CLNK: variants seen among roughly 807,000 people sequenced by gnomAD.
CLNK encodes cytokine-dependent hematopoietic cell linker.
In CLNK, 74 loss-of-function variants were observed where a neutral mutation model predicts 68.6. The ratio of observed to expected loss-of-function variants is 1.08; its 90% CI spans 0.89 to 1.31. The LOEUF (loss-of-function observed/expected upper bound fraction) is 1.31. Ranked by LOEUF, CLNK falls within the 50% of genes most tolerant of loss-of-function variation. The pLI, the probability that CLNK is intolerant of heterozygous loss-of-function variation, is 0.00. For missense variants in CLNK, 553 were observed against 515.3 expected (o/e 1.07, Z -0.71); for synonymous variants, 198 against 172.2 (o/e 1.15, Z -1.17).
intron 1 of CLNK, among the ~76,000 whole-genome samples, chr4:10,670,949 A>G (rs1724605068): frequency 6.6e-6 from 1 of 152,250 alleles, no homozygotes; most frequent in Non-Finnish European, 1.5e-5. Context: ...TTTGATTGGT[A>G]ATATCAGTGC....
At chr4:10,501,997 A>G (rs1003294761) in intron 17 of CLNK, among the ~76,000 whole-genome samples, 1 of 152,208 alleles carries the variant, frequency 6.6e-6, no homozygotes, top group African/African-American at 2.4e-5. Flanking sequence ...GTGCTCATGA[A>G]CTTAGCATGA....
At chr4:10,587,968 G>A (rs1357075328) in intron 3 of CLNK, among the ~76,000 whole-genome samples, 1 of 152,166 alleles carries the variant, frequency 6.6e-6, no homozygotes, top group Non-Finnish European at 1.5e-5. Flanking sequence ...AGCTGGTGAG[G>A]AGCAAATCAT....
chr4:10,708,863 A>G, the CLNK span, among the ~76,000 whole-genome samples: 5 of 152,346 alleles, frequency 3.3e-5, no homozygotes, highest in South Asian at 8.3e-4. Flanking sequence ...ATGTAAAGGG[A>G]AAAAGATCAG....
intron 1 of CLNK, among the ~76,000 whole-genome samples, chr4:10,677,434 A>G (rs943468180): frequency 7.9e-5 from 12 of 152,294 alleles, no homozygotes; most frequent in African/African-American, 2.4e-4. Flanking sequence ...AGGTAGTCTA[A>G]ACAAGACTGG....
chr4:10,648,982 TG>T (rs1164419065), intron 2 of CLNK, among the ~76,000 whole-genome samples: 1 of 152,130 alleles, frequency 6.6e-6, no homozygotes, highest in Non-Finnish European at 1.5e-5. Context: ...TTAAATCTAT[TG>T]AGATAATGTA....
At chr4:10,511,430 T>C (rs1231649620) in intron 16 of CLNK, among the ~76,000 whole-genome samples, 2 of 152,252 alleles carry the variant, frequency 1.3e-5, no homozygotes, top group African/African-American at 4.8e-5. Flanking sequence ...TACATTCACA[T>C]TGCTTTACAG....
intron 8 of CLNK, among the ~76,000 whole-genome samples, chr4:10,543,599 C>G (rs1719119399): frequency 6.6e-6 from 1 of 152,174 alleles, no homozygotes; most frequent in African/African-American, 2.4e-5. Flanking sequence ...AGCCCGCTCT[C>G]CACTGCACCG....
intron 10 of CLNK, among the ~76,000 whole-genome samples, chr4:10,541,075 A>G (rs1232812227): frequency 6.6e-6 from 1 of 152,058 alleles, no homozygotes; most frequent in East Asian, 1.9e-4. Context: ...TTAGCCAGTC[A>G]TGGTGGCATG....
At chr4:10,731,338 C>T in the CLNK span, among the ~76,000 whole-genome samples, 1 of 152,232 alleles carries the variant, frequency 6.6e-6, no homozygotes, top group Non-Finnish European at 1.5e-5. Flanking sequence ...AATGCAACCA[C>T]AGGGGATTTC....
At chr4:10,542,301 G>A (rs1353072680) in intron 8 of CLNK, 21 bp from the exon 9 acceptor site, 3 of 1,505,778 alleles carry the variant, frequency 2.0e-6, no homozygotes, top group Middle Eastern at 1.7e-4. Context: ...AGAGGGAATA[G>A]CAGTGAATTT....
At chr4:10,553,855 G>A (rs1045882492) in intron 8 of CLNK, among the ~76,000 whole-genome samples, 1 of 152,164 alleles carries the variant, frequency 6.6e-6, no homozygotes, top group Non-Finnish European at 1.5e-5. Flanking sequence ...TTACAGCAAG[G>A]ACCAATGGGA....
the CLNK span, among the ~76,000 whole-genome samples, chr4:10,714,709 TGTGC>T: frequency 1.4e-5 from 2 of 145,682 alleles, no homozygotes; most frequent in Non-Finnish European, 3.1e-5. Flanking sequence ...TGTGTGTGTG[TGTGC>T]GTGTGAGTAG....
the CLNK span, among the ~76,000 whole-genome samples, chr4:10,723,325 GGTT>G: frequency 1.3e-5 from 2 of 152,114 alleles, no homozygotes; most frequent in East Asian, 3.8e-4. Flanking sequence ...GTATACATTT[GGTT>G]CAGGTTCTAA....
At chr4:10,526,262 A>G (rs1399762854) in intron 13 of CLNK, among the ~76,000 whole-genome samples, 2 of 152,182 alleles carry the variant, frequency 1.3e-5, no homozygotes, top group Non-Finnish European at 2.9e-5. Context: ...TCATTCATTC[A>G]TTCATTTATA....
chr4:10,723,429 A>G, the CLNK span, among the ~76,000 whole-genome samples: 65,882 of 152,008 alleles, frequency 0.43, 15,061 homozygotes, highest in East Asian at 0.58. Flanking sequence ...TTTAACTCAG[A>G]GGAACTTGTG....
intron 2 of CLNK, among the ~76,000 whole-genome samples, chr4:10,650,271 C>T (rs1027951292): frequency 4.6e-5 from 7 of 151,778 alleles, no homozygotes; most frequent in African/African-American, 7.3e-5. Flanking sequence ...TAAAACGTGA[C>T]GGTCTAGTAT....
intron 8 of CLNK, among the ~76,000 whole-genome samples, chr4:10,547,575 A>T (rs1314209627): frequency 1.3e-5 from 2 of 152,192 alleles, no homozygotes; most frequent in Non-Finnish European, 2.9e-5. Flanking sequence ...ACTATGTGGT[A>T]GAGTGGGTCT....
intron 2 of CLNK, among the ~76,000 whole-genome samples, chr4:10,630,522 A>T (rs1685460339): frequency 6.6e-6 from 1 of 151,810 alleles, no homozygotes; most frequent in South Asian, 2.1e-4. Flanking sequence ...TTTTGGAGCC[A>T]CTGTCTCTCC....
At chr4:10,727,304 A>G in the CLNK span, among the ~76,000 whole-genome samples, 6 of 152,204 alleles carry the variant, frequency 3.9e-5, no homozygotes, top group Non-Finnish European at 8.8e-5. Context: ...TGGGGCTCAT[A>G]CTGAAGGTCA....
Sources: allele counts gnomAD v4.1 joint callset (sites outside exome capture counted in the v4.1 genomes callset), GRCh38; gene constraint gnomAD v4.1.1; transcripts MANE v1.5; gene names NCBI Gene and HGNC (gene_info 2026-07-23, HGNC 2026-07-21).